CHRNE: variants seen among roughly 807,000 people sequenced by gnomAD.
CHRNE encodes cholinergic receptor nicotinic epsilon subunit.
Under a neutral mutation model 56.5 loss-of-function variants are expected in CHRNE, and 58 were observed. That is an observed-to-expected ratio of 1.03 (90% CI 0.83 to 1.28). The LOEUF is 1.28. Among genes scored for constraint, CHRNE ranks in the 50% most tolerant of loss-of-function variants. The pLI is 0.00. For missense variants in CHRNE, 793 were observed against 688.9 expected, an observed-to-expected ratio of 1.15 and a Z score of -1.69; for synonymous variants, 385 against 297.9, an observed-to-expected ratio of 1.29 and a Z score of -3.01.
chr17:4,902,310 CG>C lies in CHRNE; in HGVS notation c.250del (p.Arg84AspfsTer12), dbSNP rs1555547003. 1 of 1,614,014 alleles carries C rather than the reference CG, an allele frequency of 6.2e-7. No individual in the cohort carries two copies. The highest frequency in any genetic ancestry group is 1.3e-5 in the African/African-American group (1 of 74,914). On this transcript the variant is annotated frameshift_variant, in exon 4 of 12. Coordinates refer to ENST00000649488, the MANE Select transcript of CHRNE (RefSeq NM_000080.4). LOFTEE classifies it high-confidence loss of function. This position sits in a 1 kb window ranked among gnomAD's most constrained non-coding sequence, Gnocchi z 4.0. ...VWIGIDWQDY[R>X]LNYSKDDFGG... is the part of the protein sequence containing the mutation. Reference sequence around the variant, plus strand: ...AAAGTCGTCCTTGCTGTAGTTGAGTCGGTAATCCTGCCAATCCTAAGGGGTG... The same window carrying C: ...AAAGTCGTCCTTGCTGTAGTTGAGTCGTAATCCTGCCAATCCTAAGGGGTG...
chr17:4,901,167 A>T lies in CHRNE; in HGVS notation c.625T>A (p.Phe209Ile). The change falls in exon 7 of 12, where the codon TTC becomes ATC. Residue 209 changes from phenylalanine (F) to isoleucine (I), a missense_variant. By Grantham distance (21) the Phe-to-Ile change is conservative. Transcript: ENST00000649488. ...TGGCGGCGGATCACCCCCGGGCAGA[A>T]GTCGATGGCCCACTCGCCGTTCTCT... ...YTENGEWAID[F>I]CPGVIRRHHG... 6.2e-7 allele frequency: 1 copy of T among 1,607,858 alleles called. No homozygotes were observed. The highest frequency in any genetic ancestry group is 8.5e-7 in the Non-Finnish European group (1 of 1,179,564).
At position 4,898,217 on chromosome 17, in the gene CHRNE, A is replaced by ATGAC. The variant is rs531934737; in HGVS notation, c.*515_*518dup. 6.2e-4 allele frequency: 118 copies of ATGAC among 191,776 alleles called. No individual in the cohort carries two copies. The highest frequency in any genetic ancestry group is 2.4e-3 in the Middle Eastern group (1 of 416). The allele number at this position is 191,776 out of a possible 1,614,324, so 11.9% of individuals were successfully genotyped here. A position where few individuals can be genotyped will look rare whatever the true frequency, so the allele number is the denominator to read the frequency against. ...GCTGGGCCAAGAAAACCTAGAAGAA[A>ATGAC]TGACTGTGGAAGGGTCAGGGCAGCC... On this transcript the variant is annotated 3_prime_UTR_variant, in exon 12 of 12. Coordinates refer to ENST00000649488, the MANE Select transcript of CHRNE (RefSeq NM_000080.4).
In CHRNE at chr17:4,899,586, A is replaced by G. The variant is rs1300080950; in HGVS notation, c.918-4T>C. ...CACCATGACGAAAATAAGGAACCTG[A>G]GGAGCCCGGAAGGCATGACATCACC... On this transcript the variant is annotated splice_polypyrimidine_tract_variant and splice_region_variant and intron_variant, in intron 8 of 11. Transcript: ENST00000649488. 2 of 1,569,292 alleles carry G rather than the reference A, an allele frequency of 1.3e-6. No homozygotes were observed. Among genetic ancestry groups the G allele is most frequent in the African/African-American group, 2.7e-5 (2 of 74,154 alleles).
upstream of CHRNE, among the ~76,000 whole-genome samples, chr17:4,903,767 T>C (rs560901216): frequency 1.4e-4 from 21 of 152,226 alleles, no homozygotes; most frequent in African/African-American, 5.1e-4. Context: ...CAGATGATAG[T>C]ACCGTCTTCC....
chr17:4,900,209 C>T lies in CHRNE; in HGVS notation c.917+584G>A, dbSNP rs1340694954. 4 of 1,543,186 alleles carry T rather than the reference C, an allele frequency of 2.6e-6. No individual in the cohort carries two copies. In the South Asian group the frequency reaches 4.8e-5, roughly 18 times the overall value. On this transcript the variant is annotated intron_variant, in intron 8 of 11. Transcript: ENST00000649488. ...TAGCGGGAACAAGGACCTCTGCCTC[C>T]CCGCTAACCCCTGTGCCCCCAATGC...
chr17:4,907,482 G>C (rs1256029299), upstream of CHRNE, among the ~76,000 whole-genome samples: 2 of 148,652 alleles, frequency 1.3e-5, no homozygotes, highest in African/African-American at 2.5e-5. Flanking sequence ...GCAGGAGAAT[G>C]GCGTGAACCC....
chr17:4,901,838 G>GC (rs1969996779), intron 5 of CHRNE, 94 bp downstream of exon 5: 1 of 1,563,172 alleles, frequency 6.4e-7, no homozygotes, highest in Non-Finnish European at 8.8e-7. Flanking sequence ...CCAGCGCGAA[G>GC]CCCCGCCCCG....
Position 4,903,090 on chromosome 17 carries a change from C to T in CHRNE, c.-27G>A, listed in dbSNP as rs765722526. On this transcript the variant is annotated 5_prime_UTR_variant, in exon 1 of 12. Coordinates refer to ENST00000649488, the MANE Select transcript of CHRNE (RefSeq NM_000080.4). ...CTGCTGCGTGGTTCTCAGGGTTATT[C>T]TGAGCTCTGGCAGGCTTGGAGGGGG... The T allele has an allele frequency of 2.5e-6, 4 of 1,613,834 alleles. No individual in the cohort carries two copies. Among genetic ancestry groups the T allele is most frequent in the Non-Finnish European group, 3.4e-6 (4 of 1,179,912 alleles).
chr17:4,907,377 C>T (rs1355820097), upstream of CHRNE, among the ~76,000 whole-genome samples: 3 of 151,662 alleles, frequency 2.0e-5, no homozygotes, highest in Non-Finnish European at 4.4e-5. Flanking sequence ...TCCTGGCTAG[C>T]ATGGTGAAAC....
At position 4,900,849 on chromosome 17, in the gene CHRNE, C is replaced by T; in HGVS notation, c.861G>A (p.Leu287=). 6.2e-7 allele frequency: 1 copy of T among 1,614,204 alleles called. No individual in the cohort carries two copies. Among genetic ancestry groups the T allele is most frequent in the East Asian group, 2.2e-5 (1 of 44,884 alleles). ...INVLLAQTVF[L]FLIAQKIPET... is the part of the protein sequence containing the mutation. ...CTGGGATTTTCTGGGCAATGAGGAA[C>T]AAGAAGACGGTCTGGGCGAGCAGGA... Residue 287 remains leucine, a synonymous_variant, in exon 8 of 12, where the codon TTG becomes TTA. Coordinates refer to ENST00000649488, the MANE Select transcript of CHRNE (RefSeq NM_000080.4).
chr17:4,900,446 G>A (rs1175315685), intron 8 of CHRNE: 27 of 1,551,112 alleles, frequency 1.7e-5, no homozygotes, highest in Non-Finnish European at 2.4e-5. Flanking sequence ...GTCTGCAGGG[G>A]TCTGCCTCAT....
chr17:4,898,730 T>G lies in CHRNE; in HGVS notation c.*6A>C. On this transcript the variant is annotated 3_prime_UTR_variant, in exon 12 of 12. Transcript: ENST00000649488. Reference sequence around the variant, plus strand: ...GAGATGGGTGGGAAATTGAAGTCGGTGCGAGCTAAGGCTGGATACACGGCG... The same window carrying G: ...GAGATGGGTGGGAAATTGAAGTCGGGGCGAGCTAAGGCTGGATACACGGCG... 1.9e-6 allele frequency: 3 copies of G among 1,608,736 alleles called. No homozygotes were observed. Among genetic ancestry groups the G allele is most frequent in the Non-Finnish European group, 1.7e-6 (2 of 1,177,908 alleles).
At chr17:4,900,703 GAC>G in intron 8 of CHRNE, 88 bp downstream of exon 8, 1 of 1,476,070 alleles carries the variant, frequency 6.8e-7, no homozygotes, top group Middle Eastern at 2.1e-4. Context: ...GGCGGGGCGA[GAC>G]AGCCAGAGCT....
rs760565441 is a variant in CHRNE at position 4,901,188 on chromosome 17, T to A, written c.604A>T (p.Asn202Tyr). Reference protein sequence around the residue: ...IDIDTEAYTENGEWAIDFCPG... With the variant: ...IDIDTEAYTEYGEWAIDFCPG... ...CAGAAGTCGATGGCCCACTCGCCGT[T>A]CTCTGCGGGACGGGGGCACGGTCAG... is the stretch of plus-strand genomic sequence containing the variant. The change falls in exon 7 of 12, where the codon AAC becomes TAC. Residue 202 changes from asparagine (N) to tyrosine (Y), a missense_variant and splice_region_variant. Coordinates refer to ENST00000649488, the MANE Select transcript of CHRNE (RefSeq NM_000080.4). The A allele has an allele frequency of 1.8e-5, 29 of 1,603,208 alleles. No homozygotes were observed. Among genetic ancestry groups the A allele is most frequent in the Non-Finnish European group, 2.4e-5 (28 of 1,178,800 alleles).
chr17:4,906,324 T>A (rs148394351), upstream of CHRNE, among the ~76,000 whole-genome samples: 2 of 152,266 alleles, frequency 1.3e-5, no homozygotes, highest in Non-Finnish European at 2.9e-5. Context: ...TTCTCCTATA[T>A]GTTTAGCTCC....
At position 4,902,165 on chromosome 17, in the gene CHRNE, C is replaced by T; in HGVS notation, c.344+52G>A. ...TACCCCCTTCCCCAACCAAGTCCAG[C>T]CCGCACCCCAGGCCGGCTTCCCTCC... On this transcript the variant is annotated intron_variant, in intron 4 of 11. Coordinates refer to ENST00000649488, the MANE Select transcript of CHRNE (RefSeq NM_000080.4). This position sits in a 1 kb window ranked among gnomAD's most constrained non-coding sequence, Gnocchi z 4.0. 6.2e-7 allele frequency: 1 copy of T among 1,613,818 alleles called. No homozygotes were observed. The highest frequency in any genetic ancestry group is 2.2e-5 in the East Asian group (1 of 44,868).
At position 4,902,928 on chromosome 17, in the gene CHRNE, G is replaced by C; in HGVS notation, c.46+90C>G. The C allele has an allele frequency of 1.3e-6, 2 of 1,588,996 alleles. No homozygotes were observed. The highest frequency in any genetic ancestry group is 1.7e-6 in the Non-Finnish European group (2 of 1,157,578). On this transcript the variant is annotated intron_variant, in intron 1 of 11. Transcript: ENST00000649488. This position sits in a 1 kb window ranked among gnomAD's most constrained non-coding sequence, Gnocchi z 4.0. ...CCTGGGAACGAAATACTGTGTCTAA[G>C]TCTCCATCTTGGTCTCTGTCTTTGT...
At chr17:4,903,871 T>A (rs115900807), upstream of CHRNE, among the ~76,000 whole-genome samples, 24,603 of 151,438 alleles carry the variant, frequency 0.16, 2,096 homozygotes, top group African/African-American at 0.21. Flanking sequence ...AAAAAAAATT[T>A]TTTTGAGACC....
intron 5 of CHRNE, 52 bp downstream of exon 5, chr17:4,901,880 T>G: frequency 4.3e-4 from 360 of 828,976 alleles, no homozygotes; most frequent in Middle Eastern, 1.1e-3. Context: ...CCCCGCCCCA[T>G]AAGGCCCCCC....
Sources: allele counts gnomAD v4.1 joint callset (sites outside exome capture counted in the v4.1 genomes callset), GRCh38; gene constraint gnomAD v4.1.1; non-coding constraint Gnocchi (gnomAD v3.1); transcripts MANE v1.5; gene names NCBI Gene and HGNC (gene_info 2026-07-23, HGNC 2026-07-21).